Variants in TUBB8B observed in about 807,000 individuals in gnomAD.
TUBB8B encodes the protein tubulin beta 8B, also known as HSA18p11 beta-tubulin 4Q pseudogene.
In TUBB8B, 26 loss-of-function variants were observed where a neutral mutation model predicts 31.9. That is an observed-to-expected ratio of 0.81 (90% CI 0.60 to 1.13). TUBB8B has a LOEUF of 1.13. Among genes scored for constraint, TUBB8B ranks in the 50% most tolerant of loss-of-function variants. The pLI is 0.00. For synonymous variants in TUBB8B, 173 were observed against 231.0 expected (o/e 0.75, Z 2.28); for missense variants, 467 against 586.7 (o/e 0.80, Z 2.11).
chr18:71,056 T>C, the TUBB8B span, among the ~76,000 whole-genome samples: 342 of 147,708 alleles, frequency 2.3e-3, no homozygotes, highest in African/African-American at 8.5e-3. Context: ...AAGACAAACC[T>C]GAGCGACGTA....
At chr18:72,196 A>ACAAAAAAAAAAAAAAAAAAAAAAAAAC in the TUBB8B span, among the ~76,000 whole-genome samples, 1 of 84,536 alleles carries the variant, frequency 1.2e-5, no homozygotes, top group Non-Finnish European at 2.4e-5. Flanking sequence ...AAAAAAAAAA[A>ACAAAAAAAAAAAAAAAAAAAAAAAAAC]AAAGGAAAAA....
rs1568384203 is a variant in TUBB8B, at chr18:49,139, G to A, written c.156C>T (p.His52=). 16 of 1,526,168 alleles carry A rather than the reference G, an allele frequency of 1.0e-5. No homozygotes were observed. The highest frequency in any genetic ancestry group is 4.8e-5 in the East Asian group (2 of 41,464). 94.5% of individuals were successfully genotyped at this position (1,526,168 alleles called of 1,614,324 possible). The change falls in exon 2 of 4, where the codon CAC becomes CAT. Residue 52 remains histidine, a synonymous_variant. Coordinates refer to ENST00000308911, the MANE Select transcript of TUBB8B (RefSeq NM_001358689.2). ...LQLERINVHH[H]EASGGRYVPR... ...GGACGGGGGTCGCACCGCTGGCCTCGTGGTGGTGCACGTTGATGCGCTCCA... is the reference window on the plus strand; with the variant it reads ...GGACGGGGGTCGCACCGCTGGCCTCATGGTGGTGCACGTTGATGCGCTCCA...
the TUBB8B span, among the ~76,000 whole-genome samples, chr18:72,824 GGGCGTGGT>G: frequency 6.6e-6 from 1 of 152,098 alleles, no homozygotes; most frequent in South Asian, 2.1e-4. Flanking sequence ...AAAATTAGCC[GGGCGTGGT>G]GGTGCATGCC....
the TUBB8B span, among the ~76,000 whole-genome samples, chr18:68,332 G>A: frequency 2.0e-5 from 3 of 152,230 alleles, no homozygotes; most frequent in South Asian, 2.1e-4. Flanking sequence ...TAACCACCAC[G>A]TAACTCCCAA....
chr18:67,531 G>A, the TUBB8B span, among the ~76,000 whole-genome samples: 5 of 152,060 alleles, frequency 3.3e-5, no homozygotes, highest in African/African-American at 7.2e-5. Context: ...TTGTAGGGAC[G>A]GTGTCTGGCT....
At chr18:69,252 C>T in the TUBB8B span, among the ~76,000 whole-genome samples, 6 of 152,042 alleles carry the variant, frequency 3.9e-5, no homozygotes, top group Non-Finnish European at 7.4e-5. Flanking sequence ...CAGCACTTTG[C>T]GGGGGTCTGA....
intron 3 of TUBB8B, 187 bp downstream of exon 3, chr18:48,753 C>T (rs1441963860): frequency 2.0e-5 from 14 of 706,476 alleles, no homozygotes; most frequent in Admixed American, 1.4e-4. Context: ...AGCTCCTCAC[C>T]TTGAGGAGAC....
chr18:47,449 G>A lies in TUBB8B; in HGVS notation c.1276C>T (p.Gln426Ter), dbSNP rs758861544. The A allele has an allele frequency of 1.6e-5, 22 of 1,417,178 alleles. No individual in the cohort carries two copies. Among genetic ancestry groups the A allele is most frequent in the Non-Finnish European group, 2.0e-5 (20 of 1,012,574 alleles). 87.8% of individuals were successfully genotyped at this position (1,417,178 alleles called of 1,614,324 possible). Reference protein sequence around the residue: ...NDLVSEYQQYQDATAEEEEDE... With the variant: ...NDLVSEYQQY Reference sequence around the variant, plus strand: ...TCCTCCTCCTCGGCCGTGGCATCCTGATATTGCTGATATTCAGACACCAGG... The same window carrying A: ...TCCTCCTCCTCGGCCGTGGCATCCTAATATTGCTGATATTCAGACACCAGG... The change falls in exon 4 of 4, where the codon CAG (glutamine) becomes TAG (stop). Residue 426 changes from glutamine to a stop codon, truncating the protein, a stop_gained. Coordinates refer to ENST00000308911, the MANE Select transcript of TUBB8B (RefSeq NM_001358689.2). LOFTEE classifies it high-confidence loss of function.
chr18:69,965 T>C, the TUBB8B span, among the ~76,000 whole-genome samples: 3 of 152,170 alleles, frequency 2.0e-5, no homozygotes, highest in South Asian at 4.2e-4. Flanking sequence ...GAGAACGGCA[T>C]GGCCAACATG....
At chr18:72,065 G>C in the TUBB8B span, among the ~76,000 whole-genome samples, 26 of 151,574 alleles carry the variant, frequency 1.7e-4, no homozygotes, top group Non-Finnish European at 3.2e-4. Context: ...TGTAATCCCA[G>C]CTCTTGGGGA....
the TUBB8B span, among the ~76,000 whole-genome samples, chr18:64,688 G>A: frequency 6.6e-6 from 1 of 152,118 alleles, no homozygotes; most frequent in Non-Finnish European, 1.5e-5. Context: ...CTGCGCCACT[G>A]CACTCCACCC....
At chr18:72,415 G>A in the TUBB8B span, among the ~76,000 whole-genome samples, 4 of 152,060 alleles carry the variant, frequency 2.6e-5, no homozygotes, top group African/African-American at 9.7e-5. Context: ...TAAAACAGAC[G>A]TCATTTTATG....
the TUBB8B span, among the ~76,000 whole-genome samples, chr18:62,213 G>A: frequency 4.0e-5 from 6 of 151,144 alleles, no homozygotes; most frequent in African/African-American, 9.7e-5. Context: ...CAGATGTATT[G>A]GAGTTCCATT....
the TUBB8B span, among the ~76,000 whole-genome samples, chr18:72,201 GA>G: frequency 2.7e-5 from 3 of 111,258 alleles, no homozygotes; most frequent in Non-Finnish European, 3.9e-5. Flanking sequence ...AAAAAAAAAG[GA>G]AAAAAAGATA....
chr18:71,001 A>G, the TUBB8B span, among the ~76,000 whole-genome samples: 2 of 151,954 alleles, frequency 1.3e-5, no homozygotes, highest in Non-Finnish European at 2.9e-5. Context: ...TAATCCCAGC[A>G]CTTTGGGAGG....
chr18:70,548 T>C, the TUBB8B span, among the ~76,000 whole-genome samples: 7 of 152,078 alleles, frequency 4.6e-5, no homozygotes, highest in African/African-American at 1.7e-4. Flanking sequence ...GGAAGGAGAA[T>C]CGCTTGAGTC....
At position 48,939 on chromosome 18, in the gene TUBB8B, C is replaced by A. The variant is rs1365361279; in HGVS notation, c.277+1G>T. The A allele has an allele frequency of 5.1e-6, 8 of 1,580,058 alleles. No homozygotes were observed. Among genetic ancestry groups the A allele is most frequent in the Non-Finnish European group, 7.0e-6 (8 of 1,150,294 alleles). The stretch of plus-strand genomic sequence containing the variant: ...CACCCCAGTCCTCGCCCGCAGCTCA[C>A]CGGAAATGAAGTTGTCTGGCCTGAA... On this transcript the variant is annotated splice_donor_variant, in intron 3 of 3. Coordinates refer to ENST00000308911, the MANE Select transcript of TUBB8B (RefSeq NM_001358689.2). LOFTEE classifies it high-confidence loss of function.
At chr18:63,975 C>T in the TUBB8B span, among the ~76,000 whole-genome samples, 1 of 150,432 alleles carries the variant, frequency 6.6e-6, no homozygotes, top group Admixed American at 6.6e-5. Context: ...AACCCTAACC[C>T]CAACCCTTAA....
At chr18:72,915 C>T in the TUBB8B span, among the ~76,000 whole-genome samples, 6 of 152,016 alleles carry the variant, frequency 3.9e-5, no homozygotes, top group African/African-American at 1.4e-4. Context: ...TGCAGTGAGC[C>T]GAGATCGCGC....
Sources: gnomAD v4.1 joint callset for allele counts (sites outside exome capture counted in the v4.1 genomes callset) on GRCh38, gnomAD v4.1.1 for gene constraint, MANE v1.5 for transcripts, NCBI Gene and HGNC (gene_info 2026-07-23, HGNC 2026-07-21) for gene names.